The following FBXL17 variants were observed in gnomAD, a reference collection of about 807,000 sequenced individuals.
FBXL17 encodes F-box/LRR-repeat protein 17.
Under a neutral mutation model 66.2 loss-of-function variants are expected in FBXL17, and 22 were observed. That is an observed-to-expected ratio of 0.33 (90% CI 0.24 to 0.47). The LOEUF (loss-of-function observed/expected upper bound fraction) is 0.47. Among genes scored for constraint, FBXL17 ranks in the 20% least tolerant of loss-of-function variants. The probability of loss-of-function intolerance (pLI) is 1.00; values close to 1 mark genes in which losing one functional copy is unlikely to be tolerated. For missense variants in FBXL17, 878 were observed against 948.2 expected (o/e 0.93, Z 0.97); for synonymous variants, 474 against 400.5 (o/e 1.18, Z -2.19).
intron 4 of FBXL17, among the ~76,000 whole-genome samples, chr5:108,339,439 T>C (rs977161919): frequency 2.6e-5 from 4 of 152,144 alleles, no homozygotes; most frequent in Non-Finnish European, 5.9e-5. Context: ...CTCAACCCAC[T>C]ATCTCCCGTT....
intron 8 of FBXL17, among the ~76,000 whole-genome samples, chr5:107,868,936 A>G (rs967749195): frequency 6.6e-6 from 1 of 152,250 alleles, no homozygotes; most frequent in Middle Eastern, 3.4e-3. Flanking sequence ...TGTTTCTCCC[A>G]CCCCATCCAA....
chr5:107,925,489 G>A (rs948667030), intron 7 of FBXL17, among the ~76,000 whole-genome samples: 4 of 152,174 alleles, frequency 2.6e-5, no homozygotes, highest in East Asian at 3.9e-4. Flanking sequence ...TTGACAGCAC[G>A]TTTTGGCCCC....
chr5:108,381,185 G>C lies in FBXL17; in HGVS notation c.507C>G (p.Phe169Leu). ...GCTGCACGGCGGCGGGCGGCCCCAG[G>C]AAGCGCACCGGCCCCAAGCTGGCCA... Reference protein sequence around the residue: ...LFLASLGPVRFLGPPAAVQLF... With the variant: ...LFLASLGPVRLLGPPAAVQLF... Residue 169 changes from phenylalanine (F) to leucine (L), a missense_variant, in exon 1 of 9, where the codon TTC becomes TTG. By Grantham distance (22) the Phe-to-Leu change is conservative (BLOSUM62 0). Transcript: ENST00000542267. The C allele has an allele frequency of 7.0e-7, 1 of 1,435,844 alleles. No homozygotes were observed. Among genetic ancestry groups the C allele is most frequent in the South Asian group, 1.4e-5 (1 of 72,582 alleles). 88.9% of individuals were successfully genotyped at this position (1,435,844 alleles called of 1,614,324 possible).
intron 7 of FBXL17, among the ~76,000 whole-genome samples, chr5:107,976,838 T>C (rs921659428): frequency 6.6e-6 from 1 of 152,160 alleles, no homozygotes; most frequent in South Asian, 2.1e-4. Flanking sequence ...AAGCTAGAGA[T>C]AAAAGATGGC....
At chr5:108,342,898 C>G (rs1456898733) in intron 4 of FBXL17, among the ~76,000 whole-genome samples, 1 of 151,956 alleles carries the variant, frequency 6.6e-6, no homozygotes, top group Non-Finnish European at 1.5e-5. Flanking sequence ...GTTTGTGTAC[C>G]CCCAAAACCC....
At chr5:108,086,423 A>G (rs551256166) in intron 6 of FBXL17, among the ~76,000 whole-genome samples, 8 of 152,196 alleles carry the variant, frequency 5.3e-5, no homozygotes, top group Admixed American at 3.3e-4. Context: ...AAACCTAAGC[A>G]TAAAAATAGA....
chr5:107,903,430 A>C (rs11953635), intron 7 of FBXL17, among the ~76,000 whole-genome samples: 2,328 of 152,318 alleles, frequency 0.015, 66 homozygotes, highest in African/African-American at 0.052. Flanking sequence ...AGCCACACGG[A>C]AATGCTGTTT....
chr5:108,318,337 A>G (rs954492620), intron 4 of FBXL17, among the ~76,000 whole-genome samples: 2 of 151,798 alleles, frequency 1.3e-5, no homozygotes, highest in Admixed American at 6.6e-5. Context: ...ACAGATAAGT[A>G]TTTACTGACC....
intron 7 of FBXL17, among the ~76,000 whole-genome samples, chr5:107,952,568 C>T (rs888103672): frequency 1.1e-4 from 16 of 152,252 alleles, no homozygotes; most frequent in South Asian, 2.1e-4. Flanking sequence ...ACATTTTGAA[C>T]GCACAAATGT....
intron 7 of FBXL17, among the ~76,000 whole-genome samples, chr5:107,962,190 C>T (rs1385668182): frequency 6.6e-6 from 1 of 152,064 alleles, no homozygotes; most frequent in African/African-American, 2.4e-5. Context: ...TACTCAATGC[C>T]ACTGAACCGT....
chr5:107,972,339 C>T (rs1047526317), intron 7 of FBXL17, among the ~76,000 whole-genome samples: 3 of 152,136 alleles, frequency 2.0e-5, no homozygotes, highest in Non-Finnish European at 4.4e-5. Context: ...GAAGATGACT[C>T]ATATTTTATA....
At chr5:108,171,511 C>T (rs115853802) in intron 6 of FBXL17, among the ~76,000 whole-genome samples, 1 of 152,158 alleles carries the variant, frequency 6.6e-6, no homozygotes, top group African/African-American at 2.4e-5. Context: ...AATTAAATAA[C>T]TTAATGAATG....
intron 4 of FBXL17, among the ~76,000 whole-genome samples, chr5:108,243,333 G>T (rs528877573): frequency 6.6e-6 from 1 of 152,152 alleles, no homozygotes; most frequent in African/African-American, 2.4e-5. Flanking sequence ...TAATCCAAAT[G>T]AAACAGCTTA....
rs145618552 is a variant in FBXL17, at chr5:108,300,136, ATC to A, written c.1506+48261_1506+48262del. 1.1e-3 allele frequency among the ~76,000 whole-genome samples: 162 copies of A among 152,178 alleles called. 1 individual carries two copies. In the East Asian group the frequency reaches 0.029, roughly 27 times the overall value. On this transcript the variant is annotated intron_variant, in intron 4 of 8. Coordinates refer to ENST00000542267, the MANE Select transcript of FBXL17 (RefSeq NM_001163315.3). ...CTTATACAAATGAATTAGTATTTAT[ATC>A]TCTGACTCGAAAACTTTTAGAAACT...
intron 6 of FBXL17, among the ~76,000 whole-genome samples, chr5:108,080,353 C>T (rs974602132): frequency 1.3e-4 from 20 of 152,178 alleles, no homozygotes; most frequent in African/African-American, 4.1e-4. Flanking sequence ...ATTGCCATCA[C>T]GGAAACAATT....
At chr5:108,212,456 C>T (rs1275927231) in intron 5 of FBXL17, among the ~76,000 whole-genome samples, 1 of 152,174 alleles carries the variant, frequency 6.6e-6, no homozygotes, top group Non-Finnish European at 1.5e-5. Context: ...GGTTTCTCCC[C>T]ATCTTTGTGA....
At chr5:108,180,025 T>C (rs1448022130) in intron 6 of FBXL17, among the ~76,000 whole-genome samples, 1 of 152,126 alleles carries the variant, frequency 6.6e-6, no homozygotes, top group Non-Finnish European at 1.5e-5. Flanking sequence ...CCTAGTATTC[T>C]TGGGTCCACA....
intron 6 of FBXL17, among the ~76,000 whole-genome samples, chr5:108,159,838 G>A (rs1209753428): frequency 1.3e-5 from 2 of 151,994 alleles, no homozygotes; most frequent in Non-Finnish European, 2.9e-5. Flanking sequence ...TCTTTTACGA[G>A]CCAAAATCCC....
chr5:108,189,287 A>AGGATGGGATGGGATGGGATG (rs5870302), intron 5 of FBXL17, among the ~76,000 whole-genome samples: 28 of 112,524 alleles, frequency 2.5e-4, no homozygotes, highest in African/African-American at 8.7e-4. Context: ...AAGAATTCAT[A>AGGATGGGATGGGATGGGATG]GGATGGGATG....
Sources: gnomAD v4.1 joint callset for allele counts (sites outside exome capture counted in the v4.1 genomes callset) on GRCh38, gnomAD v4.1.1 for gene constraint, MANE v1.5 for transcripts, NCBI Gene and HGNC (gene_info 2026-07-23, HGNC 2026-07-21) for gene names.